Variants in GABRG1 observed in about 807,000 individuals in gnomAD.
The protein encoded by GABRG1 is gamma-aminobutyric acid receptor subunit gamma-1.
Under a neutral mutation model 49.8 loss-of-function variants are expected in GABRG1, and 49 were observed. The observed-to-expected ratio is 0.98, with a 90% CI of 0.78 to 1.25. The LOEUF is 1.25. Among genes scored for constraint, GABRG1 ranks in the 50% most tolerant of loss-of-function variants. GABRG1 has a pLI of 0.00. For missense variants in GABRG1, 552 were observed against 552.3 expected, an observed-to-expected ratio of 1.00 and a Z score of 0.01; for synonymous variants, 232 against 185.1, an observed-to-expected ratio of 1.25 and a Z score of -2.06.
At chr4:46,101,931 A>G (rs903393315) in intron 1 of GABRG1, among the ~76,000 whole-genome samples, 1 of 151,606 alleles carries the variant, frequency 6.6e-6, no homozygotes, top group Non-Finnish European at 1.5e-5. Flanking sequence ...TAATGTATAC[A>G]CTCAACATTC....
At position 46,058,516 on chromosome 4, in the gene GABRG1, C is replaced by A. The variant is rs749637208; in HGVS notation, c.732G>T (p.Arg244=). Residue 244 remains arginine (R), a synonymous_variant, in exon 6 of 9, where the codon CGG becomes CGT. Transcript: ENST00000295452. ...TCGTGTGAGTGATTTCAGTTGAGTT[C>A]CGTAACCCTACAAATGCAAACTGAT... is the stretch of plus-strand genomic sequence containing the variant. ...RLYQFAFVGL[R]NSTEITHTIS... is the part of the protein sequence containing the mutation. 1 of 1,613,214 alleles carries A rather than the reference C, an allele frequency of 6.2e-7. No homozygotes were observed. The highest frequency in any genetic ancestry group is 2.2e-5 in the East Asian group (1 of 44,806).
chr4:46,050,979 TGGGAGA>T (rs758214285), intron 8 of GABRG1, among the ~76,000 whole-genome samples: 94 of 151,924 alleles, frequency 6.2e-4, no homozygotes, highest in Middle Eastern at 3.4e-3. Flanking sequence ...ATGATTGAGA[TGGGAGA>T]GTAAAATAGT....
intron 2 of GABRG1, among the ~76,000 whole-genome samples, chr4:46,093,832 T>C (rs1484483328): frequency 1.3e-5 from 2 of 151,956 alleles, no homozygotes; most frequent in Non-Finnish European, 2.9e-5. Context: ...AGCAAAATCT[T>C]ACTGGACTAA....
intron 5 of GABRG1, among the ~76,000 whole-genome samples, chr4:46,061,195 A>T (rs970539140): frequency 9.9e-5 from 15 of 152,132 alleles, no homozygotes; most frequent in Admixed American, 9.2e-4. Context: ...GAGTTCCTTG[A>T]ATTCTATCAA....
intron 1 of GABRG1, among the ~76,000 whole-genome samples, chr4:46,106,779 G>T (rs1302676720): frequency 3.5e-5 from 2 of 57,866 alleles, no homozygotes; most frequent in African/African-American, 1.3e-4. Context: ...ACATGTGGAG[G>T]TTACTGTAAA....
chr4:46,073,121 C>A (rs1347183193), intron 3 of GABRG1, among the ~76,000 whole-genome samples: 1 of 151,826 alleles, frequency 6.6e-6, no homozygotes, highest in African/African-American at 2.4e-5. Context: ...TTTCCATAAA[C>A]CTTTATTAAA....
intron 8 of GABRG1, among the ~76,000 whole-genome samples, chr4:46,042,960 G>T (rs180699404): frequency 2.7e-4 from 41 of 151,962 alleles, no homozygotes; most frequent in Admixed American, 2.4e-3. Context: ...TGGAACTGGG[G>T]ATAGTTGATT....
At chr4:46,057,465 T>C (rs1718496978) in intron 7 of GABRG1, among the ~76,000 whole-genome samples, 1 of 152,118 alleles carries the variant, frequency 6.6e-6, no homozygotes, top group South Asian at 2.1e-4. Context: ...AATCAATTGA[T>C]TAACAAGTTT....
At chr4:46,085,497 T>A (rs1719724319) in intron 2 of GABRG1, among the ~76,000 whole-genome samples, 1 of 151,588 alleles carries the variant, frequency 6.6e-6, no homozygotes, top group Non-Finnish European at 1.5e-5. Context: ...AATATGTATG[T>A]GAAAGCTATG....
chr4:46,115,776 CTG>C (rs1273065389), intron 1 of GABRG1, among the ~76,000 whole-genome samples: 1 of 150,668 alleles, frequency 6.6e-6, no homozygotes, highest in Admixed American at 6.6e-5. Flanking sequence ...CTGTATATCT[CTG>C]TTACTTTCAA....
At chr4:46,115,117 A>C (rs1365843033) in intron 1 of GABRG1, among the ~76,000 whole-genome samples, 1 of 150,942 alleles carries the variant, frequency 6.6e-6, no homozygotes, top group African/African-American at 2.4e-5. Flanking sequence ...TAGAACAATC[A>C]ACATGAGAAT....
intron 1 of GABRG1, among the ~76,000 whole-genome samples, chr4:46,117,344 T>A (rs370914852): frequency 1.8e-4 from 27 of 150,430 alleles, no homozygotes; most frequent in African/African-American, 2.7e-4. Flanking sequence ...CAGAATACAT[T>A]GTTTCTGGGA....
intron 8 of GABRG1, among the ~76,000 whole-genome samples, chr4:46,041,691 T>G (rs964652703): frequency 3.4e-4 from 51 of 152,050 alleles, no homozygotes; most frequent in African/African-American, 1.1e-3. Flanking sequence ...AAAAGGTTTG[T>G]GAAGATATGA....
At chr4:46,045,685 G>T (rs1349748145) in intron 8 of GABRG1, among the ~76,000 whole-genome samples, 3 of 151,886 alleles carry the variant, frequency 2.0e-5, no homozygotes, top group African/African-American at 7.2e-5. Flanking sequence ...CAGAAGTAGA[G>T]ATTTAAATAT....
chr4:46,085,922 GA>G (rs1719736275), intron 2 of GABRG1, among the ~76,000 whole-genome samples: 1 of 151,444 alleles, frequency 6.6e-6, no homozygotes. Context: ...AAAACTAACA[GA>G]AAATTGTCAT....
At chr4:46,063,097 G>A (rs1261416631) in intron 5 of GABRG1, among the ~76,000 whole-genome samples, 8 of 151,366 alleles carry the variant, frequency 5.3e-5, no homozygotes, top group African/African-American at 1.9e-4. Flanking sequence ...TCCTGCCCAA[G>A]GTAATTTATA....
intron 3 of GABRG1, among the ~76,000 whole-genome samples, chr4:46,069,406 A>G (rs1391827380): frequency 1.3e-5 from 2 of 152,090 alleles, no homozygotes; most frequent in Non-Finnish European, 2.9e-5. Context: ...CTTTAGTGGT[A>G]AAATTTTATA....
intron 3 of GABRG1, among the ~76,000 whole-genome samples, chr4:46,068,678 TAAG>T (rs1359148478): frequency 3.3e-5 from 5 of 152,026 alleles, no homozygotes; most frequent in Admixed American, 6.6e-5. Context: ...CTCACTGAAA[TAAG>T]AAGACCATTA....
Position 46,041,266 on chromosome 4 carries a change from A to C in GABRG1, c.1132-12T>G. The stretch of plus-strand genomic sequence containing the variant: ...AGACCAGGAGTCATCTGAGCACAAT[A>C]ATAAATGAATTTTTGACATCAAAAA... On this transcript the variant is annotated splice_polypyrimidine_tract_variant and intron_variant, in intron 8 of 8. Transcript: ENST00000295452. 1 of 1,605,272 alleles carries C rather than the reference A, an allele frequency of 6.2e-7. No homozygotes were observed. Among genetic ancestry groups the C allele is most frequent in the Non-Finnish European group, 8.5e-7 (1 of 1,174,822 alleles).
Sources: allele counts gnomAD v4.1 joint callset (sites outside exome capture counted in the v4.1 genomes callset), GRCh38; gene constraint gnomAD v4.1.1; transcripts MANE v1.5; gene names NCBI Gene and HGNC (gene_info 2026-07-23, HGNC 2026-07-21).